TFDP2: variants seen among roughly 807,000 people sequenced by gnomAD.
TFDP2 encodes transcription factor Dp-2, also known as transcription factor Dp-2 (E2F dimerization partner 2).
Under a neutral mutation model 59.3 loss-of-function variants are expected in TFDP2, and 17 were observed. That is an observed-to-expected ratio of 0.29 (90% CI 0.20 to 0.43). TFDP2 has a LOEUF of 0.43. TFDP2 is among the 20% of genes least tolerant of loss of function. The probability of loss-of-function intolerance (pLI) is 1.00; values close to 1 mark genes in which losing one functional copy is unlikely to be tolerated. For missense variants in TFDP2, 391 were observed against 528.8 expected (o/e 0.74, Z 2.56); for synonymous variants, 180 against 194.7 (o/e 0.92, Z 0.63).
intron 6 of TFDP2, among the ~76,000 whole-genome samples, chr3:141,987,351 C>T (rs183391477): frequency 1.3e-5 from 2 of 149,200 alleles, no homozygotes; most frequent in Admixed American, 6.7e-5. Context: ...GGTGTGATCT[C>T]TGCTCACTGC....
intron 1 of TFDP2, among the ~76,000 whole-genome samples, chr3:142,146,700 G>T (rs1665740883): frequency 6.6e-6 from 1 of 152,194 alleles, no homozygotes; most frequent in Admixed American, 6.5e-5. Flanking sequence ...GGGGTACCAT[G>T]CTTGTCAGAA....
intron 3 of TFDP2, among the ~76,000 whole-genome samples, chr3:142,025,540 G>A (rs918785127): frequency 5.3e-5 from 8 of 152,126 alleles, no homozygotes; most frequent in Non-Finnish European, 2.9e-5. Flanking sequence ...CTATGATGCT[G>A]TCACAGTTAT....
chr3:142,145,700 A>C (rs1313445382), intron 1 of TFDP2: 1 of 145,968 alleles, frequency 6.9e-6, no homozygotes, highest in African/African-American at 2.5e-5. Context: ...TGACAGAGAG[A>C]GACTCTGTCT....
intron 2 of TFDP2, among the ~76,000 whole-genome samples, chr3:142,095,441 A>C (rs2061131748): frequency 6.6e-6 from 1 of 152,218 alleles, no homozygotes; most frequent in Non-Finnish European, 1.5e-5. Flanking sequence ...GTTAGCAGTA[A>C]TATTTTTACA....
chr3:142,084,270 A>G (rs1042692286), intron 3 of TFDP2, among the ~76,000 whole-genome samples: 2 of 152,238 alleles, frequency 1.3e-5, no homozygotes, highest in African/African-American at 4.8e-5. Context: ...TTAAAACTAC[A>G]ATGAGATATC....
intron 4 of TFDP2, among the ~76,000 whole-genome samples, chr3:141,998,485 T>C (rs149809652): frequency 3.9e-5 from 6 of 152,114 alleles, no homozygotes; most frequent in African/African-American, 7.2e-5. Flanking sequence ...GGTGTTGTGG[T>C]GCACGCCGGT....
chr3:142,043,337 G>A (rs1481951308), intron 3 of TFDP2, among the ~76,000 whole-genome samples: 4 of 151,412 alleles, frequency 2.6e-5, no homozygotes, highest in Non-Finnish European at 5.9e-5. Context: ...GTGAGCCACC[G>A]CGCCCGGCCG....
intron 6 of TFDP2, among the ~76,000 whole-genome samples, chr3:141,982,197 T>A (rs545794076): frequency 6.6e-6 from 1 of 152,238 alleles, no homozygotes; most frequent in Admixed American, 6.5e-5. Context: ...CACACTGAAA[T>A]ACAATATTTT....
At chr3:142,040,459 C>T (rs936198463) in intron 3 of TFDP2, among the ~76,000 whole-genome samples, 3 of 151,602 alleles carry the variant, frequency 2.0e-5, no homozygotes, top group Non-Finnish European at 4.4e-5. Context: ...CGGAGTCTCG[C>T]TCTTGTTATC....
intron 7 of TFDP2, among the ~76,000 whole-genome samples, chr3:141,977,089 C>CATATATAT (rs1275287133): frequency 6.3e-5 from 7 of 110,938 alleles, no homozygotes; most frequent in African/African-American, 1.3e-4. Flanking sequence ...CAGTCATAGC[C>CATATATAT]ATATATATAT....
chr3:141,954,762 C>A (rs977068561), intron 11 of TFDP2, among the ~76,000 whole-genome samples: 1 of 152,064 alleles, frequency 6.6e-6, no homozygotes, highest in Non-Finnish European at 1.5e-5. Context: ...AGCCCAAACA[C>A]ATACTCAGAA....
At chr3:142,099,698 T>TC (rs2061265683) in intron 2 of TFDP2, among the ~76,000 whole-genome samples, 1 of 141,924 alleles carries the variant, frequency 7.0e-6, no homozygotes, top group Admixed American at 7.0e-5. Flanking sequence ...AGACTCCATT[T>TC]CAAAAAAAAA....
intron 3 of TFDP2, among the ~76,000 whole-genome samples, chr3:142,019,923 C>T (rs1037991416): frequency 2.6e-5 from 4 of 152,132 alleles, no homozygotes; most frequent in African/African-American, 9.7e-5. Flanking sequence ...TTAACAGTTC[C>T]ACAAAAGAAT....
intron 3 of TFDP2, among the ~76,000 whole-genome samples, chr3:142,060,647 T>C (rs1463429300): frequency 6.6e-6 from 1 of 152,168 alleles, no homozygotes; most frequent in Non-Finnish European, 1.5e-5. Flanking sequence ...TTTTGGGTTG[T>C]TCTGTGCCTT....
At chr3:142,059,234 C>T (rs1297499079) in intron 3 of TFDP2, among the ~76,000 whole-genome samples, 7 of 152,068 alleles carry the variant, frequency 4.6e-5, no homozygotes, top group Non-Finnish European at 8.8e-5. Flanking sequence ...AGGCCTAAGC[C>T]TCATGCATTT....
intron 8 of TFDP2, among the ~76,000 whole-genome samples, chr3:141,970,546 T>A (rs1939563831): frequency 1.3e-5 from 2 of 152,226 alleles, no homozygotes; most frequent in Non-Finnish European, 2.9e-5. Flanking sequence ...TTATCCACTT[T>A]GCATCGAAGG....
rs140406277 is a variant in TFDP2, at chr3:141,992,271, A to AC, written c.356+1266_356+1267insG. Among the ~76,000 whole-genome samples the AC allele has an allele frequency of 2.4e-3, 368 of 152,238 alleles. 3 individuals are homozygous for AC. The highest frequency in any genetic ancestry group is 8.2e-3 in the African/African-American group (340 of 41,558). On this transcript the variant is annotated intron_variant, in intron 6 of 12. Transcript: ENST00000489671. ...TTCAAAACTTTTTAAAAAATGATAA[A>AC]AAAAAAATGCTAGGAAAAAAAGCCA...
intron 3 of TFDP2, among the ~76,000 whole-genome samples, chr3:142,052,349 A>C (rs878984119): frequency 6.6e-6 from 1 of 150,502 alleles, no homozygotes; most frequent in African/African-American, 2.5e-5. Context: ...CATCCTGGCT[A>C]ACACGGTGAA....
At chr3:142,050,178 C>T (rs575495051) in intron 3 of TFDP2, among the ~76,000 whole-genome samples, 2 of 149,876 alleles carry the variant, frequency 1.3e-5, no homozygotes, top group Non-Finnish European at 3.0e-5. Context: ...GAGGCAGAAT[C>T]GCTTGAACCC....
Sources: gnomAD v4.1 joint callset for allele counts (sites outside exome capture counted in the v4.1 genomes callset) on GRCh38, gnomAD v4.1.1 for gene constraint, MANE v1.5 for transcripts, NCBI Gene and HGNC (gene_info 2026-07-23, HGNC 2026-07-21) for gene names.